EXOSC7: variants seen among roughly 807,000 people sequenced by gnomAD.
EXOSC7 encodes exosome complex component RRP42.
A neutral mutation model predicts 34.3 loss-of-function variants in EXOSC7; 25 were observed. The observed-to-expected ratio is 0.73, with a 90% CI of 0.53 to 1.02. The LOEUF (loss-of-function observed/expected upper bound fraction) is 1.02. Among genes scored for constraint, EXOSC7 ranks in the 50% least tolerant of loss-of-function variants. The pLI, the probability that EXOSC7 is intolerant of heterozygous loss-of-function variation, is 0.00. For missense variants in EXOSC7, 370 were observed against 368.5 expected, an observed-to-expected ratio of 1.00 and a Z score of -0.03; for synonymous variants, 130 against 143.0, an observed-to-expected ratio of 0.91 and a Z score of 0.65.
intron 1 of EXOSC7, among the ~76,000 whole-genome samples, chr3:44,981,471 A>G (rs1706267373): frequency 6.6e-6 from 1 of 152,076 alleles, no homozygotes; most frequent in Non-Finnish European, 1.5e-5. Flanking sequence ...GCTCCCTTTC[A>G]AGTTTGTTTT....
chr3:45,007,925 G>A (rs1004514556), intron 7 of EXOSC7, among the ~76,000 whole-genome samples: 7 of 152,234 alleles, frequency 4.6e-5, no homozygotes, highest in African/African-American at 1.7e-4. Context: ...TGAGGGAATA[G>A]AATTCTTGGC....
chr3:44,989,618 A>G lies in EXOSC7; in HGVS notation c.228A>G (p.Glu76=), dbSNP rs377565471. 4.2e-5 allele frequency: 67 copies of G among 1,613,698 alleles called. No homozygotes were observed. The highest frequency in any genetic ancestry group is 3.4e-5 in the Non-Finnish European group (40 of 1,179,774). Residue 76 remains glutamate, a synonymous_variant, in exon 3 of 8, where the codon GAA becomes GAG. Transcript: ENST00000265564. The part of the protein sequence containing the change: ...MGTPKLEKPN[E]GYLEFFVDCS... ...CGCCGAAGCTGGAGAAACCAAATGA[A>G]GGCTACTTGGAGTTCTTTGTTGACT... is the stretch of plus-strand genomic sequence containing the variant.
At chr3:45,005,093 A>G (rs1706995153) in intron 5 of EXOSC7, 198 bp from the exon 6 acceptor site, 2 of 560,476 alleles carry the variant, frequency 3.6e-6, no homozygotes, top group Non-Finnish European at 3.2e-6. Flanking sequence ...ATCATTTTCT[A>G]AAAGATGCCT....
chr3:45,005,183 G>C, intron 5 of EXOSC7, 108 bp from the exon 6 acceptor site: 1 of 1,268,268 alleles, frequency 7.9e-7, no homozygotes, highest in Non-Finnish European at 1.1e-6. Context: ...TAGGCATAGC[G>C]TGTCTTTCTC....
At chr3:45,001,396 T>C in intron 4 of EXOSC7, 142 bp from the exon 5 acceptor site, 3 of 655,810 alleles carry the variant, frequency 4.6e-6, no homozygotes, top group Non-Finnish European at 8.1e-6. Context: ...TTAGCCAAGA[T>C]TGCACCACTG....
Position 45,011,223 on chromosome 3 carries a change from C to G in EXOSC7, c.772-12C>G. On this transcript the variant is annotated splice_polypyrimidine_tract_variant and intron_variant, in intron 7 of 7. Coordinates refer to ENST00000265564, the MANE Select transcript of EXOSC7 (RefSeq NM_015004.4). ...AAGGGGGTGTGTGCTCTCTCCCGTCCCTTCTCCACAGACTGGCAAGCGTGT... is the reference window on the plus strand; with the variant it reads ...AAGGGGGTGTGTGCTCTCTCCCGTCGCTTCTCCACAGACTGGCAAGCGTGT... The G allele has an allele frequency of 6.3e-7, 1 of 1,577,968 alleles. No homozygotes were observed. The highest frequency in any genetic ancestry group is 8.7e-7 in the Non-Finnish European group (1 of 1,152,726).
intron 1 of EXOSC7, among the ~76,000 whole-genome samples, chr3:44,988,019 G>A (rs899215107): frequency 2.0e-5 from 3 of 152,106 alleles, no homozygotes. Context: ...GTATTTTCTA[G>A]CTCTGTCTGC....
chr3:45,010,735 T>C (rs994304192), intron 7 of EXOSC7, among the ~76,000 whole-genome samples: 3 of 152,216 alleles, frequency 2.0e-5, no homozygotes, highest in African/African-American at 7.2e-5. Flanking sequence ...GTACTGACTT[T>C]GGTCACACCT....
rs1417236503 is a variant in EXOSC7, at chr3:45,005,415, G to C, written c.615+1G>C. On this transcript the variant is annotated splice_donor_variant, in intron 6 of 7. Coordinates refer to ENST00000265564, the MANE Select transcript of EXOSC7 (RefSeq NM_015004.4). LOFTEE classifies it high-confidence loss of function. ...CCCCTGCATTGTCACTCTGTGCAAGGTATAACTTGTATTTTATGGTTTTTG... is the reference window on the plus strand; with the variant it reads ...CCCCTGCATTGTCACTCTGTGCAAGCTATAACTTGTATTTTATGGTTTTTG... The C allele has an allele frequency of 2.5e-6, 4 of 1,612,692 alleles. No homozygotes were observed. The South Asian group carries it at 4.4e-5, about 18-fold the overall frequency.
At chr3:44,995,719 T>C (rs1418022638) in intron 3 of EXOSC7, among the ~76,000 whole-genome samples, 1 of 152,188 alleles carries the variant, frequency 6.6e-6, no homozygotes, top group African/African-American at 2.4e-5. Context: ...TTGGGGACTT[T>C]AAAGGGGATT....
chr3:44,980,825 G>C (rs1471053338), intron 1 of EXOSC7, among the ~76,000 whole-genome samples: 3 of 152,198 alleles, frequency 2.0e-5, no homozygotes, highest in African/African-American at 7.2e-5. Flanking sequence ...TTGAGTATAA[G>C]TTCCTTTAGA....
intron 1 of EXOSC7, 76 bp downstream of exon 1, chr3:44,976,410 CCA>C: frequency 7.5e-7 from 1 of 1,328,904 alleles, no homozygotes; most frequent in Non-Finnish European, 1.0e-6. Flanking sequence ...CCTGGGTTTG[CCA>C]GTGAGGAGGC....
chr3:44,987,975 G>A (rs1287864372), intron 1 of EXOSC7, among the ~76,000 whole-genome samples: 1 of 152,182 alleles, frequency 6.6e-6, no homozygotes, highest in East Asian at 1.9e-4. Flanking sequence ...ACAGATTTGT[G>A]TGTGTGTGGT....
chr3:44,990,852 G>A (rs948303648), intron 3 of EXOSC7, among the ~76,000 whole-genome samples: 5 of 152,162 alleles, frequency 3.3e-5, no homozygotes, highest in Admixed American at 1.3e-4. Flanking sequence ...CCAGGTTCCC[G>A]GATGCCAGCC....
chr3:45,007,628 C>CAGGAA, intron 7 of EXOSC7, 53 bp downstream of exon 7: 1 of 1,510,654 alleles, frequency 6.6e-7, no homozygotes, highest in Non-Finnish European at 8.9e-7. Flanking sequence ...GTGCCTGCTG[C>CAGGAA]TTCCTGCTCC....
At chr3:44,992,542 T>G (rs937836841) in intron 3 of EXOSC7, among the ~76,000 whole-genome samples, 1 of 152,178 alleles carries the variant, frequency 6.6e-6, no homozygotes. Flanking sequence ...CACAGCCCTT[T>G]GGAAAGACTG....
chr3:45,007,739 AG>A (rs1707093874), intron 7 of EXOSC7, among the ~76,000 whole-genome samples, 164 bp downstream of exon 7: 3 of 152,080 alleles, frequency 2.0e-5, no homozygotes, highest in African/African-American at 7.2e-5. Context: ...GACCTAATCA[AG>A]GGGGGTTGTG....
At chr3:44,984,729 C>T (rs1027564719) in intron 1 of EXOSC7, among the ~76,000 whole-genome samples, 22 of 152,154 alleles carry the variant, frequency 1.4e-4, no homozygotes, top group Admixed American at 1.2e-3. Context: ...ATAACACTAT[C>T]GTATAGGATT....
At chr3:44,978,574 A>T (rs376386038) in intron 1 of EXOSC7, among the ~76,000 whole-genome samples, 7 of 152,352 alleles carry the variant, frequency 4.6e-5, no homozygotes, top group African/African-American at 1.7e-4. Context: ...GCTATGAAGG[A>T]AAAAACGGAC....
Sources: gnomAD v4.1 joint callset for allele counts (sites outside exome capture counted in the v4.1 genomes callset) on GRCh38, gnomAD v4.1.1 for gene constraint, MANE v1.5 for transcripts, NCBI Gene and HGNC (gene_info 2026-07-23, HGNC 2026-07-21) for gene names.